TSHZ3: variants seen among roughly 807,000 people sequenced by gnomAD.
The protein encoded by TSHZ3 is teashirt homolog 3.
TSHZ3 carries 10 observed loss-of-function variants against 64.5 expected under a neutral mutation model. The ratio of observed to expected loss-of-function variants is 0.16; its 90% CI spans 0.10 to 0.26. The LOEUF (loss-of-function observed/expected upper bound fraction) is 0.26. Ranked by LOEUF, TSHZ3 falls within the 10% of genes least tolerant of loss-of-function variation. The probability of loss-of-function intolerance (pLI) is 1.00; values close to 1 mark genes in which losing one functional copy is unlikely to be tolerated. For synonymous variants in TSHZ3, 608 were observed against 593.1 expected (o/e 1.03, Z -0.36); for missense variants, 1,242 against 1,421.7 (o/e 0.87, Z 2.03).
intron 4 of TSHZ3, among the ~76,000 whole-genome samples, chr19:31,223,365 CGTGTGTGTGTGT>C (rs10551485): frequency 2.8e-3 from 392 of 142,502 alleles, no homozygotes; most frequent in African/African-American, 9.6e-3. Context: ...GTTCTTATAA[CGTGTGTGTGTGT>C]GTGTGTGTGT....
intron 1 of TSHZ3, among the ~76,000 whole-genome samples, chr19:31,288,546 G>A (rs961915080): frequency 6.6e-6 from 1 of 152,076 alleles, no homozygotes; most frequent in Non-Finnish European, 1.5e-5. Flanking sequence ...GCAGTAGCTG[G>A]ACTCTGGAGA....
intron 6 of TSHZ3, among the ~76,000 whole-genome samples, chr19:31,155,664 G>T (rs190027353): frequency 6.6e-6 from 1 of 152,146 alleles, no homozygotes; most frequent in Non-Finnish European, 1.5e-5. Context: ...ACTGCTTACC[G>T]TAGGACTTTA....
chr19:31,174,274 T>A (rs974022318), intron 5 of TSHZ3, among the ~76,000 whole-genome samples: 4 of 152,110 alleles, frequency 2.6e-5, no homozygotes, highest in African/African-American at 9.7e-5. Flanking sequence ...GAAGAGCAGA[T>A]GTTTGAGCTC....
chr19:31,225,645 T>G (rs1407107081), intron 4 of TSHZ3, among the ~76,000 whole-genome samples: 1 of 152,138 alleles, frequency 6.6e-6, no homozygotes, highest in African/African-American at 2.4e-5. Flanking sequence ...GTTACAAAGG[T>G]GAAGTTCGCC....
rs116457998 is a variant in TSHZ3 at position 31,236,825 on chromosome 19, G to A, written n.550+5444C>T. Among the ~76,000 whole-genome samples, 919 of 152,290 alleles carry A rather than the reference G, an allele frequency of 6.0e-3. 12 individuals carry two copies. Among genetic ancestry groups the A allele is most frequent in the African/African-American group, 0.021 (878 of 41,570 alleles). On this transcript the variant is annotated intron_variant and non_coding_transcript_variant, in intron 3 of 6. Coordinates refer to the TSHZ3 transcript ENST00000651361. Reference sequence around the variant, plus strand: ...AAGGGCAAGTAATAGGTAGAATTGAGTCAAGCAAAAAGCTTTTGTACAGCA... The same window carrying A: ...AAGGGCAAGTAATAGGTAGAATTGAATCAAGCAAAAAGCTTTTGTACAGCA...
At chr19:31,176,604 C>T (rs1353783275) in intron 5 of TSHZ3, among the ~76,000 whole-genome samples, 1 of 152,060 alleles carries the variant, frequency 6.6e-6, no homozygotes, top group Admixed American at 6.6e-5. Flanking sequence ...GACTGGGCAA[C>T]ATAGCAAGAC....
chr19:31,228,155 G>A (rs759951094), intron 3 of TSHZ3, among the ~76,000 whole-genome samples: 1 of 152,170 alleles, frequency 6.6e-6, no homozygotes, highest in Non-Finnish European at 1.5e-5. Context: ...AAGGAGAGTA[G>A]AGGGAGCATT....
In TSHZ3 at chr19:31,278,763, T is replaced by C; in HGVS notation, c.1030A>G (p.Thr344Ala). ...PDSTGGTPKA[T>A]ISDTNDALQK... The stretch of plus-strand genomic sequence containing the variant: ...AGTGCATCGTTGGTGTCTGAGATGG[T>C]GGCTTTGGGGGTTCCACCTGTGGAA... Residue 344 changes from threonine (T) to alanine (A), a missense_variant, in exon 2 of 2, where the codon ACC becomes GCC. Physicochemically the swap from Thr to Ala is moderately conservative, Grantham distance 58 (BLOSUM62 0). Coordinates refer to ENST00000240587, the MANE Select transcript of TSHZ3 (RefSeq NM_020856.4). This position sits in a 1 kb window ranked among gnomAD's most constrained non-coding sequence, Gnocchi z 4.7. The C allele has an allele frequency of 1.9e-6, 3 of 1,614,158 alleles. No homozygotes were observed. The highest frequency in any genetic ancestry group is 1.7e-6 in the Non-Finnish European group (2 of 1,180,030).
At chr19:31,350,685 C>A (rs1282474222), upstream of TSHZ3, among the ~76,000 whole-genome samples, 3 of 151,396 alleles carry the variant, frequency 2.0e-5, no homozygotes, top group Non-Finnish European at 4.4e-5. Flanking sequence ...GCTGGCTGGG[C>A]GGCGTGGGCG....
chr19:31,159,077 G>A (rs1360116834), intron 5 of TSHZ3, among the ~76,000 whole-genome samples: 3 of 152,148 alleles, frequency 2.0e-5, no homozygotes, highest in East Asian at 3.9e-4. Context: ...TCAGCTCACT[G>A]CAACCTCCGC....
intron 1 of TSHZ3, among the ~76,000 whole-genome samples, chr19:31,283,327 T>C (rs1396435695): frequency 6.6e-6 from 1 of 152,112 alleles, no homozygotes; most frequent in Non-Finnish European, 1.5e-5. Flanking sequence ...AGCAAAATCC[T>C]ATCTCCAAAA....
intron 1 of TSHZ3, among the ~76,000 whole-genome samples, chr19:31,317,935 C>T (rs1335176654): frequency 2.0e-5 from 3 of 152,172 alleles, no homozygotes; most frequent in Non-Finnish European, 2.9e-5. Flanking sequence ...TGTGAACATT[C>T]GGCTGCAGGA....
At chr19:31,331,237 A>T (rs1281302661) in intron 1 of TSHZ3, among the ~76,000 whole-genome samples, 2 of 152,192 alleles carry the variant, frequency 1.3e-5, no homozygotes, top group Admixed American at 6.5e-5. Context: ...CCTGTACCAG[A>T]GCCTCAGGAA....
intron 5 of TSHZ3, among the ~76,000 whole-genome samples, chr19:31,177,991 G>C (rs1418364500): frequency 3.3e-5 from 5 of 152,126 alleles, no homozygotes; most frequent in Admixed American, 1.3e-4. Flanking sequence ...ACTGGGCATT[G>C]GTGGCTGCAA....
intron 5 of TSHZ3, among the ~76,000 whole-genome samples, chr19:31,193,869 TTAG>T (rs1425610319): frequency 2.6e-5 from 4 of 152,300 alleles, no homozygotes; most frequent in African/African-American, 7.2e-5. Flanking sequence ...CTGGTAAGAA[TTAG>T]TAGAAATTTT....
At chr19:31,336,516 G>A (rs1040349943) in intron 1 of TSHZ3, among the ~76,000 whole-genome samples, 2 of 152,132 alleles carry the variant, frequency 1.3e-5, no homozygotes, top group East Asian at 1.9e-4. Flanking sequence ...GCATCTTGAC[G>A]GTGGACCTCA....
intron 4 of TSHZ3, among the ~76,000 whole-genome samples, chr19:31,218,276 G>C (rs1975357278): frequency 5.6e-5 from 2 of 35,476 alleles, no homozygotes; most frequent in Non-Finnish European, 1.1e-4. Context: ...GACAGAGATG[G>C]CAAATACCTA....
At chr19:31,206,366 T>A (rs1356514907) in intron 4 of TSHZ3, among the ~76,000 whole-genome samples, 1 of 152,104 alleles carries the variant, frequency 6.6e-6, no homozygotes, top group African/African-American at 2.4e-5. Flanking sequence ...TATGGATGAA[T>A]GGATGGATAG....
intron 1 of TSHZ3, among the ~76,000 whole-genome samples, chr19:31,243,219 C>T (rs1054285217): frequency 3.9e-5 from 6 of 152,180 alleles, no homozygotes; most frequent in Admixed American, 6.5e-5. Flanking sequence ...TATAGTACTT[C>T]ATACCTGTCA....
Sources: allele counts gnomAD v4.1 joint callset (sites outside exome capture counted in the v4.1 genomes callset), GRCh38; gene constraint gnomAD v4.1.1; non-coding constraint Gnocchi (gnomAD v3.1); transcripts MANE v1.5; gene names NCBI Gene and HGNC (gene_info 2026-07-23, HGNC 2026-07-21).